The following DCHS2 variants were observed in gnomAD, a reference collection of about 807,000 sequenced individuals.
DCHS2 encodes protocadherin-23.
DCHS2 carries 142 observed loss-of-function variants against 182.4 expected under a neutral mutation model. The ratio of observed to expected loss-of-function variants is 0.78; its 90% CI spans 0.68 to 0.89. DCHS2 has a LOEUF of 0.89. Ranked by LOEUF, DCHS2 falls within the 40% of genes least tolerant of loss-of-function variation. The pLI, the probability that DCHS2 is intolerant of heterozygous loss-of-function variation, is 0.00. For synonymous variants in DCHS2, 1,740 were observed against 1,663.3 expected (o/e 1.05, Z -1.12); for missense variants, 4,319 against 4,198.6 (o/e 1.03, Z -0.79).
chr4:154,233,843 A>C lies in DCHS2; in HGVS notation c.*693T>G, dbSNP rs1722945113. The C allele has an allele frequency of 1.3e-5, 2 of 152,182 alleles. No individual in the cohort carries two copies. Among genetic ancestry groups the C allele is most frequent in the African/African-American group, 4.8e-5 (2 of 41,454 alleles). 9.4% of individuals were successfully genotyped at this position (152,182 alleles called of 1,614,324 possible). On this transcript the variant is annotated 3_prime_UTR_variant, in exon 20 of 20. Coordinates refer to ENST00000357232, the MANE Select transcript of DCHS2 (RefSeq NM_001358235.2). Reference sequence around the variant, plus strand: ...GGAACATGCATTTCTGGTTTATTGAATCATGAATAATTATTTATATTACCT... The same window carrying C: ...GGAACATGCATTTCTGGTTTATTGACTCATGAATAATTATTTATATTACCT...
chr4:154,286,898 T>TTTAATTAATTAA (rs1734429658), intron 13 of DCHS2, among the ~76,000 whole-genome samples: 1 of 152,026 alleles, frequency 6.6e-6, no homozygotes, highest in Admixed American at 6.6e-5. Flanking sequence ...CAAAGAAGAC[T>TTTAATTAATTAA]ACCTCAAGGC....
chr4:154,344,046 A>G (rs1455311374), intron 3 of DCHS2, among the ~76,000 whole-genome samples: 1 of 40,424 alleles, frequency 2.5e-5, no homozygotes, highest in Admixed American at 1.9e-4. Context: ...CAGCCTGGGG[A>G]GAGAGAGAGA....
chr4:154,233,142 C>T lies in DCHS2; in HGVS notation c.*1394G>A, dbSNP rs570969899. On this transcript the variant is annotated 3_prime_UTR_variant, in exon 20 of 20. Coordinates refer to ENST00000357232, the MANE Select transcript of DCHS2 (RefSeq NM_001358235.2). ...ACTACTAAGAAAGCCACACGATACC[C>T]TTTAGATTTCACATTAGAATTCCTA... 1 of 152,276 alleles carries T rather than the reference C, an allele frequency of 6.6e-6. No individual in the cohort carries two copies. The highest frequency in any genetic ancestry group is 1.9e-4 in the East Asian group (1 of 5,180). The allele number at this position is 152,276 out of a possible 1,614,324, so 9.4% of individuals were successfully genotyped here. A position where few individuals can be genotyped will look rare whatever the true frequency, so the allele number is the denominator to read the frequency against.
At position 154,304,782 on chromosome 4, in the gene DCHS2, AC is replaced by A. The variant is rs2111299585; in HGVS notation, c.5491del (p.Val1831PhefsTer21). The A allele has an allele frequency of 6.2e-7, 1 of 1,614,068 alleles. No homozygotes were observed. The highest frequency in any genetic ancestry group is 8.5e-7 in the Non-Finnish European group (1 of 1,179,976). ...CAGAACCTCAATGTCATAACTGGAA[AC>A]AATAAACTCTGGTGCGTGATCGTTT... Reference protein sequence around the residue: ...DENDHAPEFIVSSYDIEVLEN... With the variant: ...DENDHAPEFIXSSYDIEVLEN... On this transcript the variant is annotated frameshift_variant, in exon 12 of 20. Coordinates refer to ENST00000357232, the MANE Select transcript of DCHS2 (RefSeq NM_001358235.2). LOFTEE classifies it high-confidence loss of function.
chr4:154,348,688 C>A (rs773263434), intron 3 of DCHS2, among the ~76,000 whole-genome samples: 6 of 151,834 alleles, frequency 4.0e-5, no homozygotes, highest in Non-Finnish European at 7.3e-5. Context: ...CTGCCATAGA[C>A]CAAGGAGTGC....
intron 14 of DCHS2, among the ~76,000 whole-genome samples, chr4:154,267,971 C>T (rs28668156): frequency 0.38 from 58,006 of 152,030 alleles, 11,339 homozygotes; most frequent in East Asian, 0.51. Context: ...CAACATGTTA[C>T]TGTCAAATTG....
At chr4:154,299,124 A>G (rs1009660352) in intron 12 of DCHS2, among the ~76,000 whole-genome samples, 1 of 152,222 alleles carries the variant, frequency 6.6e-6, no homozygotes, top group Non-Finnish European at 1.5e-5. Flanking sequence ...CTTTTTTAAG[A>G]TATCAATCAG....
intron 1 of DCHS2, among the ~76,000 whole-genome samples, chr4:154,448,031 AACTC>A (rs1281830858): frequency 2.0e-5 from 3 of 152,090 alleles, no homozygotes; most frequent in African/African-American, 7.2e-5. Context: ...CAACCCTCAC[AACTC>A]ATCCCATTAA....
chr4:154,485,626 C>T (rs541920989), intron 1 of DCHS2, among the ~76,000 whole-genome samples: 16 of 152,318 alleles, frequency 1.1e-4, no homozygotes, highest in African/African-American at 3.6e-4. Context: ...AATAGATATT[C>T]AATAAGTATT....
chr4:154,295,955 T>C (rs965252190), intron 13 of DCHS2, among the ~76,000 whole-genome samples: 1 of 152,218 alleles, frequency 6.6e-6, no homozygotes, highest in Admixed American at 6.5e-5. Context: ...TGTACAATAG[T>C]AAATACATTT....
At chr4:154,325,316 CGTGTGTGTGTGT>C (rs75589397) in intron 7 of DCHS2, among the ~76,000 whole-genome samples, 24 of 142,760 alleles carry the variant, frequency 1.7e-4, no homozygotes, top group Admixed American at 2.9e-4. Flanking sequence ...GGATTATAGC[CGTGTGTGTGTGT>C]GTGTGTGTGT....
intron 10 of DCHS2, 55 bp from the exon 11 acceptor site, chr4:154,305,286 C>T: frequency 1.3e-6 from 2 of 1,554,926 alleles, no homozygotes; most frequent in Non-Finnish European, 8.7e-7. Flanking sequence ...ATACATTTAT[C>T]CACTTTCCTA....
At chr4:154,344,906 C>T (rs577774396) in intron 3 of DCHS2, among the ~76,000 whole-genome samples, 64 of 152,322 alleles carry the variant, frequency 4.2e-4, no homozygotes, top group Admixed American at 1.0e-3. Context: ...GAGGGCAGTG[C>T]TCACTGTCCA....
chr4:154,310,369 G>C (rs763544432), intron 10 of DCHS2, among the ~76,000 whole-genome samples: 4 of 152,220 alleles, frequency 2.6e-5, no homozygotes, highest in African/African-American at 4.8e-5. Flanking sequence ...TGTGTCTCTT[G>C]AGAGTTTCTT....
rs186630418 is a variant in DCHS2, at chr4:154,391,116, G to A, written c.2053-13672C>T. On this transcript the variant is annotated intron_variant, in intron 1 of 19. Transcript: ENST00000357232. ...GAATCTCATATGTAATTTAGCAGAA[G>A]GAACAGACTTATAAAAGCTGATACT... 2.6e-4 allele frequency: 389 copies of A among 1,517,078 alleles called. No homozygotes were observed. The African/African-American group carries it at 4.7e-3, about 18-fold the overall frequency. The allele number at this position is 1,517,078 out of a possible 1,614,324, so 94.0% of individuals were successfully genotyped here. A position where few individuals can be genotyped will look rare whatever the true frequency, so the allele number is the denominator to read the frequency against.
At position 154,377,397 on chromosome 4, in the gene DCHS2, A is replaced by C; in HGVS notation, c.2100T>G (p.Tyr700Ter). ...AGCTCAGGAATCCATCATAAAGAGA[A>C]TATTCAATAAAGCCATAGAGTCCTG... Reference protein sequence around the residue: ...ADSGLYGFIEYSLYDGFLSYE... With the variant: ...ADSGLYGFIE Residue 700 changes from tyrosine (Y) to a stop codon, truncating the protein, a stop_gained, in exon 2 of 20, where the codon TAT (tyrosine) becomes TAG (stop). Coordinates refer to ENST00000357232, the MANE Select transcript of DCHS2 (RefSeq NM_001358235.2). LOFTEE classifies it high-confidence loss of function. The C allele has an allele frequency of 6.2e-7, 1 of 1,613,550 alleles. No individual in the cohort carries two copies. The highest frequency in any genetic ancestry group is 2.2e-5 in the East Asian group (1 of 44,870).
chr4:154,270,326 G>C (rs1020356378), intron 13 of DCHS2, among the ~76,000 whole-genome samples: 2 of 151,994 alleles, frequency 1.3e-5, no homozygotes, highest in African/African-American at 4.8e-5. Flanking sequence ...GAGAAATAAG[G>C]TTACTTGATA....
At position 154,490,220 on chromosome 4, in the gene DCHS2, T is replaced by C; in HGVS notation, c.1136A>G (p.His379Arg). 1 of 1,549,664 alleles carries C rather than the reference T, an allele frequency of 6.5e-7. No homozygotes were observed. Among genetic ancestry groups the C allele is most frequent in the Non-Finnish European group, 8.7e-7 (1 of 1,146,794 alleles). ...RPLDREAQAW[H>R]QLVVEARDGG... ...ATCGCGGGCCTCCACCACCAACTGG[T>C]GCCAGGCCTGTGCCTCGCGGTCCAG... Residue 379 changes from histidine (H) to arginine (R), a missense_variant, in exon 1 of 20, where the codon CAC becomes CGC. By Grantham distance (29) the His-to-Arg change is conservative. Transcript: ENST00000357232.
chr4:154,385,179 T>G (rs1328666017), intron 1 of DCHS2, among the ~76,000 whole-genome samples: 2 of 149,428 alleles, frequency 1.3e-5, no homozygotes, highest in African/African-American at 5.0e-5. Context: ...CGGCGTTTGG[T>G]TTTTTGTCCT....
Sources: allele counts gnomAD v4.1 joint callset (sites outside exome capture counted in the v4.1 genomes callset), GRCh38; gene constraint gnomAD v4.1.1; transcripts MANE v1.5; gene names NCBI Gene and HGNC (gene_info 2026-07-23, HGNC 2026-07-21).